The following ARHGEF11 variants were observed in gnomAD, a reference collection of about 807,000 sequenced individuals.
The protein encoded by ARHGEF11 is Rho guanine nucleotide exchange factor 11.
A neutral mutation model predicts 193.7 loss-of-function variants in ARHGEF11; 55 were observed. That is an observed-to-expected ratio of 0.28 (90% CI 0.23 to 0.36). The LOEUF is 0.36. Among genes scored for constraint, ARHGEF11 ranks in the 10% least tolerant of loss-of-function variants. ARHGEF11 has a pLI of 1.00. For synonymous variants in ARHGEF11, 693 were observed against 768.0 expected, an observed-to-expected ratio of 0.90 and a Z score of 1.62; for missense variants, 1,723 against 2,005.6, an observed-to-expected ratio of 0.86 and a Z score of 2.69.
intron 20 of ARHGEF11, 126 bp from the exon 21 acceptor site, chr1:156,955,047 G>T: frequency 1.3e-6 from 1 of 778,448 alleles, no homozygotes; most frequent in South Asian, 1.7e-5. Flanking sequence ...GGCTGATCTA[G>T]AAGAATCTCT....
intron 1 of ARHGEF11, among the ~76,000 whole-genome samples, chr1:157,013,425 T>C (rs1205099635): frequency 6.6e-6 from 1 of 152,010 alleles, no homozygotes; most frequent in Non-Finnish European, 1.5e-5. Flanking sequence ...AACTCCTGCT[T>C]ATTCCTCAAG....
intron 1 of ARHGEF11, among the ~76,000 whole-genome samples, chr1:157,036,322 T>C (rs570472867): frequency 1.3e-5 from 2 of 151,448 alleles, no homozygotes; most frequent in Non-Finnish European, 2.9e-5. Flanking sequence ...TTTTTGTTTG[T>C]TTTTTGTTTG....
intron 1 of ARHGEF11, among the ~76,000 whole-genome samples, chr1:157,000,270 C>T (rs1667059994): frequency 6.6e-6 from 1 of 152,172 alleles, no homozygotes; most frequent in Admixed American, 6.5e-5. Flanking sequence ...GCCCTACAGG[C>T]ATATCTTGTT....
At chr1:156,989,019 T>TG (rs1380216040) in intron 1 of ARHGEF11, among the ~76,000 whole-genome samples, 2 of 152,224 alleles carry the variant, frequency 1.3e-5, no homozygotes. Flanking sequence ...TGGCCTGAAA[T>TG]GGAGGCTGTC....
chr1:157,037,112 G>A (rs1465124823), intron 1 of ARHGEF11, among the ~76,000 whole-genome samples: 3 of 152,128 alleles, frequency 2.0e-5, no homozygotes, highest in African/African-American at 7.2e-5. Context: ...TGCGTAACAA[G>A]AGCAAAACTC....
rs1182677811 is a variant in ARHGEF11 at position 156,971,733 on chromosome 1, T to G, written c.666A>C (p.Leu222Phe). Residue 222 changes from leucine to phenylalanine, a missense_variant, in exon 8 of 41, where the codon TTA becomes TTC. Physicochemically the swap from Leu to Phe is conservative, Grantham distance 22. Transcript: ENST00000368194. ...CAGTCTCCTGCTGGATCTTCAGCTGTAACTGAGTGACTCGCCGCCGGGCAC... is the reference window on the plus strand; with the variant it reads ...CAGTCTCCTGCTGGATCTTCAGCTGGAACTGAGTGACTCGCCGCCGGGCAC... ...IEGARRRVTQ[L>F]QLKIQQETGG... 6.2e-7 allele frequency: 1 copy of G among 1,614,056 alleles called. No individual in the cohort carries two copies. Among genetic ancestry groups the G allele is most frequent in the Non-Finnish European group, 8.5e-7 (1 of 1,180,022 alleles).
intron 7 of ARHGEF11, among the ~76,000 whole-genome samples, chr1:156,973,062 A>G (rs545028456): frequency 2.6e-5 from 4 of 152,074 alleles, no homozygotes; most frequent in African/African-American, 9.6e-5. Context: ...TTTTTTTGTA[A>G]AGGGATATGA....
At chr1:156,989,394 A>G (rs1481669546) in intron 1 of ARHGEF11, among the ~76,000 whole-genome samples, 7 of 151,938 alleles carry the variant, frequency 4.6e-5, no homozygotes, top group Non-Finnish European at 1.0e-4. Flanking sequence ...TCCATCCAGC[A>G]CTCCACCACC....
intron 1 of ARHGEF11, among the ~76,000 whole-genome samples, chr1:157,003,332 A>C (rs950053788): frequency 1.3e-5 from 2 of 152,206 alleles, no homozygotes; most frequent in African/African-American, 4.8e-5. Flanking sequence ...TTTGCCATAG[A>C]TACATCCTTA....
At chr1:156,997,141 T>G (rs866367471) in intron 1 of ARHGEF11, among the ~76,000 whole-genome samples, 1 of 151,978 alleles carries the variant, frequency 6.6e-6, no homozygotes, top group South Asian at 2.1e-4. Context: ...AGTGCTGGGA[T>G]TACAAGTGTG....
At chr1:156,972,269 A>G (rs1662594443) in intron 7 of ARHGEF11, among the ~76,000 whole-genome samples, 1 of 152,248 alleles carries the variant, frequency 6.6e-6, no homozygotes, top group Admixed American at 6.5e-5. Flanking sequence ...TCCCATCCTC[A>G]GGAAGCTCCT....
intron 21 of ARHGEF11, among the ~76,000 whole-genome samples, chr1:156,952,497 G>A (rs1056459390): frequency 9.9e-5 from 15 of 152,184 alleles, no homozygotes; most frequent in Non-Finnish European, 1.9e-4. Context: ...AACAGGGGTG[G>A]GCTAGAAATG....
chr1:157,011,392 T>G (rs918945494), intron 1 of ARHGEF11, among the ~76,000 whole-genome samples: 1 of 152,004 alleles, frequency 6.6e-6, no homozygotes, highest in Non-Finnish European at 1.5e-5. Context: ...GAAGAAAACA[T>G]AGGAATAAAT....
chr1:157,027,802 C>T (rs111593968), intron 1 of ARHGEF11, among the ~76,000 whole-genome samples: 178 of 152,284 alleles, frequency 1.2e-3, no homozygotes, highest in Admixed American at 2.2e-3. Context: ...CTCATCAAGA[C>T]ATCACCTCTG....
At chr1:156,990,277 T>A (rs574973800) in intron 1 of ARHGEF11, among the ~76,000 whole-genome samples, 1 of 152,346 alleles carries the variant, frequency 6.6e-6, no homozygotes, top group East Asian at 1.9e-4. Context: ...AGATTCATGT[T>A]AAACATTTTT....
At chr1:156,980,411 TGG>T in intron 4 of ARHGEF11, 24 bp downstream of exon 4, 1 of 1,598,144 alleles carries the variant, frequency 6.3e-7, no homozygotes. Flanking sequence ...CTGCTGGGAG[TGG>T]GAGTGTGTGT....
intron 11 of ARHGEF11, among the ~76,000 whole-genome samples, chr1:156,964,958 C>T (rs1244121876): frequency 6.6e-6 from 1 of 152,006 alleles, no homozygotes; most frequent in East Asian, 1.9e-4. Context: ...TTTCTGATTA[C>T]AAAAGTAGAA....
chr1:156,957,839 G>A lies in ARHGEF11; in HGVS notation c.1503-24C>T. The A allele has an allele frequency of 3.1e-6, 5 of 1,613,740 alleles. No homozygotes were observed. In the East Asian group the frequency reaches 8.9e-5, roughly 29 times the overall value. Reference sequence around the variant, plus strand: ...ACCTGGAATGGAAGAAAGAACAGATGACTCAGACTGCAAAGACAGAGGCTG... The same window carrying A: ...ACCTGGAATGGAAGAAAGAACAGATAACTCAGACTGCAAAGACAGAGGCTG... On this transcript the variant is annotated intron_variant, in intron 17 of 40. Coordinates refer to ENST00000368194, the MANE Select transcript of ARHGEF11 (RefSeq NM_198236.3).
At chr1:157,002,208 G>C (rs1172823325) in intron 1 of ARHGEF11, among the ~76,000 whole-genome samples, 1 of 152,104 alleles carries the variant, frequency 6.6e-6, no homozygotes, top group Non-Finnish European at 1.5e-5. Flanking sequence ...ACCTCGAACA[G>C]GGCAATACTA....
Sources: allele counts gnomAD v4.1 joint callset (sites outside exome capture counted in the v4.1 genomes callset), GRCh38; gene constraint gnomAD v4.1.1; transcripts MANE v1.5; gene names NCBI Gene and HGNC (gene_info 2026-07-23, HGNC 2026-07-21).